AHI1: variants seen among roughly 807,000 people sequenced by gnomAD.
The protein encoded by AHI1 is jouberin.
AHI1 carries 123 observed loss-of-function variants against 149.3 expected under a neutral mutation model. The observed-to-expected ratio is 0.82, with a 90% CI of 0.71 to 0.96. The LOEUF is 0.96. Among genes scored for constraint, AHI1 ranks in the 40% least tolerant of loss-of-function variants. The pLI is 0.00. For missense variants in AHI1, 1,439 were observed against 1,422.7 expected (o/e 1.01, Z -0.18); for synonymous variants, 475 against 459.8 (o/e 1.03, Z -0.42).
chr6:135,492,267 G>T lies in AHI1; in HGVS notation c.-30C>A. 1.3e-6 allele frequency: 2 copies of T among 1,535,958 alleles called. No individual in the cohort carries two copies. The highest frequency in any genetic ancestry group is 1.8e-6 in the Non-Finnish European group (2 of 1,138,736). On this transcript the variant is annotated 5_prime_UTR_variant, in exon 4 of 29. An upstream open reading frame in the 5' UTR gains an earlier in-frame stop. Transcript: ENST00000265602. Reference sequence around the variant, plus strand: ...CAGCTTTATGCAGAGGACTGAGAATGCAAAGCATTGACTCAATCAGGATCC... The same window carrying T: ...CAGCTTTATGCAGAGGACTGAGAATTCAAAGCATTGACTCAATCAGGATCC...
At chr6:135,415,165 A>T (rs1179873527) in intron 20 of AHI1, among the ~76,000 whole-genome samples, 6 of 152,088 alleles carry the variant, frequency 3.9e-5, no homozygotes, top group Non-Finnish European at 4.4e-5. Context: ...ATGGCTTCAT[A>T]GTATTCCATG....
chr6:135,304,788 C>T (rs1784347647), intron 26 of AHI1, among the ~76,000 whole-genome samples: 1 of 152,122 alleles, frequency 6.6e-6, no homozygotes, highest in South Asian at 2.1e-4. Context: ...TGAAGACCAT[C>T]CTGATCACGA....
At position 135,410,628 on chromosome 6, in the gene AHI1, CT is replaced by C. The variant is rs1394219834; in HGVS notation, c.2961+719del. Among the ~76,000 whole-genome samples the C allele has an allele frequency of 9.9e-5, 15 of 152,274 alleles. No homozygotes were observed. In the East Asian group the frequency reaches 1.9e-3, roughly 20 times the overall value. On this transcript the variant is annotated intron_variant, in intron 21 of 28. Coordinates refer to ENST00000265602, the MANE Select transcript of AHI1 (RefSeq NM_001134831.2). Reference sequence around the variant, plus strand: ...TGGTATTTTAAAGTGTCAACTTTCTCTTTTACCATTTGCAATGTGGAATTAA... The same window carrying C: ...TGGTATTTTAAAGTGTCAACTTTCTCTTTACCATTTGCAATGTGGAATTAA...
At chr6:135,449,665 T>C (rs1265319967) in intron 11 of AHI1, among the ~76,000 whole-genome samples, 1 of 152,036 alleles carries the variant, frequency 6.6e-6, no homozygotes, top group Non-Finnish European at 1.5e-5. Context: ...CTGTTACTTG[T>C]AGACTTATGT....
chr6:135,456,892 A>G lies in AHI1; in HGVS notation c.1151+602T>C, dbSNP rs372712930. Among the ~76,000 whole-genome samples, 12 of 152,374 alleles carry G rather than the reference A, an allele frequency of 7.9e-5. 1 individual carries two copies. The highest frequency in any genetic ancestry group is 1.9e-4 in the East Asian group (1 of 5,196). On this transcript the variant is annotated intron_variant, in intron 9 of 28. Transcript: ENST00000265602. ...ATGAGGTTAGACAATTAAAGCATTT[A>G]CAATGCAATATAAAATATTTACAAT...
chr6:135,404,177 T>C (rs960958118), intron 22 of AHI1, among the ~76,000 whole-genome samples: 2 of 152,218 alleles, frequency 1.3e-5, no homozygotes, highest in Non-Finnish European at 2.9e-5. Context: ...TTCAACTGAA[T>C]TTTGGGAGTG....
chr6:135,398,056 ATGTT>A (rs1779482516), intron 22 of AHI1, among the ~76,000 whole-genome samples: 1 of 96,584 alleles, frequency 1.0e-5, no homozygotes, highest in African/African-American at 4.2e-5. Context: ...AATACCCAGG[ATGTT>A]TTTTTTTTTT....
intron 23 of AHI1, among the ~76,000 whole-genome samples, chr6:135,382,894 T>TAAAAAAAAAAAAAAAAAAAAAA (rs573438726): frequency 6.4e-5 from 1 of 15,594 alleles, no homozygotes; most frequent in Non-Finnish European, 1.0e-4. Flanking sequence ...GCAAAATTAG[T>TAAAAAAAAAAAAAAAAAAAAAA]AAAAAAAAAA....
At chr6:135,361,022 C>T (rs952477136) in intron 23 of AHI1, among the ~76,000 whole-genome samples, 4 of 152,066 alleles carry the variant, frequency 2.6e-5, no homozygotes, top group African/African-American at 7.2e-5. Flanking sequence ...TTGTTCTTTT[C>T]TTCCTCTTTT....
chr6:135,307,807 G>A (rs1784691302), intron 26 of AHI1, among the ~76,000 whole-genome samples: 1 of 151,856 alleles, frequency 6.6e-6, no homozygotes, highest in Non-Finnish European at 1.5e-5. Context: ...GAGAGTGAGG[G>A]GTGATTTTGA....
intron 23 of AHI1, among the ~76,000 whole-genome samples, chr6:135,359,534 G>A (rs1338933820): frequency 6.6e-6 from 1 of 152,122 alleles, no homozygotes; most frequent in African/African-American, 2.4e-5. Flanking sequence ...AATAAGTAAT[G>A]TAGATTCCTA....
intron 14 of AHI1, 80 bp from the exon 15 acceptor site, chr6:135,438,578 A>T: frequency 8.6e-7 from 1 of 1,162,766 alleles, no homozygotes; most frequent in Admixed American, 3.1e-5. Flanking sequence ...ATTTAATATT[A>T]TTTAGACATA....
At chr6:135,480,178 A>T (rs1793393296) in intron 5 of AHI1, among the ~76,000 whole-genome samples, 2 of 152,200 alleles carry the variant, frequency 1.3e-5, no homozygotes. Context: ...TAAGAAATTC[A>T]GCCAGGCGTG....
chr6:135,294,767 A>G (rs991516995), intron 27 of AHI1, among the ~76,000 whole-genome samples: 3 of 151,592 alleles, frequency 2.0e-5, no homozygotes, highest in Admixed American at 6.6e-5. Flanking sequence ...CACATCACAT[A>G]TCACACATAC....
At chr6:135,483,933 G>A (rs1235280783) in intron 5 of AHI1, among the ~76,000 whole-genome samples, 1 of 152,226 alleles carries the variant, frequency 6.6e-6, no homozygotes, top group East Asian at 1.9e-4. Flanking sequence ...CAAAGACAGT[G>A]TATTAGTCCA....
At chr6:135,349,912 A>G (rs559471107) in intron 24 of AHI1, among the ~76,000 whole-genome samples, 2 of 152,334 alleles carry the variant, frequency 1.3e-5, no homozygotes, top group South Asian at 4.1e-4. Context: ...CAAATGCTAA[A>G]ACCCAGTTTG....
rs574514741 is a variant in AHI1, at chr6:135,338,936, T to C, written c.3166-15612A>G. 1.7e-3 allele frequency among the ~76,000 whole-genome samples: 251 copies of C among 151,792 alleles called. 1 individual carries two copies. The highest frequency in any genetic ancestry group is 5.9e-3 in the African/African-American group (242 of 41,272). On this transcript the variant is annotated intron_variant, in intron 24 of 28. Transcript: ENST00000265602. The stretch of plus-strand genomic sequence containing the variant: ...CCAGAGCTCATCTTTCCTTTTTTTT[T>C]TTTTTTTGAGACCCAGAGTCTCACT...
intron 24 of AHI1, among the ~76,000 whole-genome samples, chr6:135,357,332 A>G (rs929549968): frequency 1.3e-5 from 2 of 152,352 alleles, no homozygotes; most frequent in Admixed American, 1.3e-4. Context: ...GAACATTGAC[A>G]TGACTTTCAA....
In AHI1 at chr6:135,380,743, C is replaced by CCG. The variant is rs1554301810; in HGVS notation, c.3109+14032_3109+14033insCG. Among the ~76,000 whole-genome samples the CCG allele has an allele frequency of 7.5e-3, 910 of 120,598 alleles. 29 individuals carry two copies. The highest frequency in any genetic ancestry group is 0.034 in the African/African-American group (876 of 25,744). 79.1% of individuals were successfully genotyped at this position (120,598 alleles called of 152,430 possible). On this transcript the variant is annotated intron_variant, in intron 23 of 28. Transcript: ENST00000265602. ...TTTAAGTAAAATAACCCCCCCCCCC[C>CCG]CAAAAAAAAAGTACAAAGTTAAAAC...
Sources: gnomAD v4.1 joint callset for allele counts (sites outside exome capture counted in the v4.1 genomes callset) on GRCh38, gnomAD v4.1.1 for gene constraint, MANE v1.5 for transcripts, NCBI Gene and HGNC (gene_info 2026-07-23, HGNC 2026-07-21) for gene names.